Variants in CDH9 observed in about 807,000 individuals in gnomAD.
CDH9 encodes cadherin-9.
A neutral mutation model predicts 70.9 loss-of-function variants in CDH9; 28 were observed. The ratio of observed to expected loss-of-function variants is 0.40; its 90% CI spans 0.29 to 0.54. The LOEUF (loss-of-function observed/expected upper bound fraction) is 0.54, where lower values mean the gene tolerates loss of function less well. CDH9 is among the 20% of genes least tolerant of loss of function. CDH9 has a pLI of 0.59. For synonymous variants in CDH9, 409 were observed against 343.1 expected (o/e 1.19, Z -2.12); for missense variants, 874 against 984.4 (o/e 0.89, Z 1.50).
chr5:26,935,045 T>C (rs10072457), intron 2 of CDH9, among the ~76,000 whole-genome samples: 14,713 of 151,896 alleles, frequency 0.097, 898 homozygotes, highest in East Asian at 0.19. Context: ...ACATGACCAA[T>C]TGGGGGTTAT....
intron 2 of CDH9, among the ~76,000 whole-genome samples, chr5:26,953,010 T>C (rs1377954506): frequency 6.6e-6 from 1 of 152,052 alleles, no homozygotes; most frequent in Non-Finnish European, 1.5e-5. Context: ...GGGAGGATGT[T>C]ATATAATTGA....
chr5:26,881,471 T>A lies in CDH9; in HGVS notation c.2035A>T (p.Asn679Tyr), dbSNP rs545889348. ...TQAFDIGTLRNPEAREDSKLR... is the reference protein window; with the variant it reads ...TQAFDIGTLRYPEAREDSKLR... ...TTACTGTCTTCTCTTGCCTCTGGAT[T>A]CCTTAATGTGCCAATGTCAAAAGCT... Residue 679 changes from asparagine (N) to tyrosine (Y), a missense_variant, in exon 12 of 12, where the codon AAT (asparagine) becomes TAT (tyrosine). Asn to Tyr is a moderately radical substitution (Grantham distance 143). Coordinates refer to ENST00000231021, the MANE Select transcript of CDH9 (RefSeq NM_016279.4). 6 of 1,613,846 alleles carry A rather than the reference T, an allele frequency of 3.7e-6. No individual in the cohort carries two copies. In the South Asian group the frequency reaches 5.5e-5, roughly 15 times the overall value.
chr5:26,885,616 A>T lies in CDH9; in HGVS notation c.1880T>A (p.Leu627His). ...TCATTCAGAGGGGCAGAGCTTACTA[A>T]GCAGTATGAGGACACAGAGTAGAAT... Reference protein sequence around the residue: ...VAILLCVLILLILVVLFAALK... With the variant: ...VAILLCVLILHILVVLFAALK... Residue 627 changes from leucine (L) to histidine (H), a missense_variant and splice_region_variant, in exon 11 of 12, where the codon CTT becomes CAT. Leu to His is a moderately conservative substitution (Grantham distance 99). Transcript: ENST00000231021. The T allele has an allele frequency of 1.2e-6, 2 of 1,612,760 alleles. No individual in the cohort carries two copies. The highest frequency in any genetic ancestry group is 2.2e-5 in the South Asian group (2 of 91,026).
At chr5:26,978,010 C>A (rs1325877833) in intron 2 of CDH9, among the ~76,000 whole-genome samples, 5 of 152,008 alleles carry the variant, frequency 3.3e-5, no homozygotes, top group Admixed American at 3.3e-4. Flanking sequence ...AAAACCAAAC[C>A]TACACAGGAT....
chr5:26,888,552 C>G (rs1232052705), intron 9 of CDH9, among the ~76,000 whole-genome samples: 1 of 152,102 alleles, frequency 6.6e-6, no homozygotes, highest in Non-Finnish European at 1.5e-5. Flanking sequence ...AAGAAAAGCA[C>G]ATTTTTATCC....
At chr5:26,886,156 C>A (rs1740563246) in intron 9 of CDH9, 73 bp from the exon 10 acceptor site, 1 of 1,475,578 alleles carries the variant, frequency 6.8e-7, no homozygotes, top group Non-Finnish European at 9.1e-7. Context: ...TATCTTAAAT[C>A]CATGTATTTG....
At position 26,885,777 on chromosome 5, in the gene CDH9, G is replaced by A. The variant is rs747968491; in HGVS notation, c.1719C>T (p.Asn573=). The A allele has an allele frequency of 1.3e-5, 21 of 1,613,550 alleles. No homozygotes were observed. The highest frequency in any genetic ancestry group is 1.6e-4 in the Middle Eastern group (1 of 6,084). ...TYLLPILIFD[N]DYPIQSSTGT... ...CAGTGCTGCTTTGAATTGGATAATC[G>A]TTGTCAAAGATTAAAATCGGCAATA... is the stretch of plus-strand genomic sequence containing the variant. Residue 573 remains asparagine (N), a synonymous_variant, in exon 11 of 12, where the codon AAC becomes AAT. Coordinates refer to ENST00000231021, the MANE Select transcript of CDH9 (RefSeq NM_016279.4).
chr5:26,882,550 C>A (rs1318795881), intron 11 of CDH9, among the ~76,000 whole-genome samples: 2 of 151,874 alleles, frequency 1.3e-5, no homozygotes, highest in East Asian at 1.9e-4. Flanking sequence ...TAATAAGATT[C>A]ATTTTAAAAG....
In CDH9 at chr5:26,891,792, T is replaced by C. The variant is rs1384969701; in HGVS notation, c.1254-1228A>G. On this transcript the variant is annotated intron_variant, in intron 7 of 11. Coordinates refer to ENST00000231021, the MANE Select transcript of CDH9 (RefSeq NM_016279.4). ...TGAAGACTAAGAAGTACTTGACCCA[T>C]TGTTGCTGGCTTTAAAGCTGAAGGA... Among the ~76,000 whole-genome samples the C allele has an allele frequency of 7.2e-5, 11 of 152,132 alleles. 1 individual carries two copies. Among genetic ancestry groups the C allele is most frequent in the Admixed American group, 7.2e-4 (11 of 15,268 alleles).
chr5:26,920,087 A>G (rs1741217948), intron 2 of CDH9, among the ~76,000 whole-genome samples: 3 of 152,148 alleles, frequency 2.0e-5, no homozygotes, highest in South Asian at 2.1e-4. Flanking sequence ...TGGGGTACCA[A>G]TTATGGGCCT....
At chr5:26,949,167 T>A (rs1310778939) in intron 2 of CDH9, among the ~76,000 whole-genome samples, 1 of 152,188 alleles carries the variant, frequency 6.6e-6, no homozygotes, top group Non-Finnish European at 1.5e-5. Flanking sequence ...CATTTGACCC[T>A]TTTGGCTTAA....
intron 2 of CDH9, among the ~76,000 whole-genome samples, chr5:26,966,365 A>G (rs1742129665): frequency 6.6e-6 from 1 of 152,168 alleles, no homozygotes; most frequent in Non-Finnish European, 1.5e-5. Flanking sequence ...CCTCTTGCAA[A>G]TCTCGGCCTC....
chr5:26,912,902 A>G (rs1283441188), intron 3 of CDH9, among the ~76,000 whole-genome samples: 1 of 152,056 alleles, frequency 6.6e-6, no homozygotes, highest in Non-Finnish European at 1.5e-5. Flanking sequence ...TTCTCCTGAG[A>G]GTGAATAAGT....
chr5:27,004,197 G>A (rs1028110592), intron 1 of CDH9, among the ~76,000 whole-genome samples: 4 of 151,160 alleles, frequency 2.6e-5, no homozygotes, highest in African/African-American at 9.7e-5. Flanking sequence ...GAGACATGAT[G>A]ATATCAATGG....
intron 2 of CDH9, among the ~76,000 whole-genome samples, chr5:26,981,537 G>A (rs1361834727): frequency 1.3e-5 from 2 of 152,030 alleles, no homozygotes; most frequent in Non-Finnish European, 2.9e-5. Flanking sequence ...TATATGGAGA[G>A]CCAACTGTAC....
intron 2 of CDH9, among the ~76,000 whole-genome samples, chr5:26,961,751 T>C (rs1742039472): frequency 6.6e-6 from 1 of 152,162 alleles, no homozygotes; most frequent in Non-Finnish European, 1.5e-5. Flanking sequence ...TCATATTTAT[T>C]ATATGAAAGA....
chr5:26,993,357 G>A (rs1164632317), intron 1 of CDH9, among the ~76,000 whole-genome samples: 1 of 152,146 alleles, frequency 6.6e-6, no homozygotes, highest in Non-Finnish European at 1.5e-5. Flanking sequence ...TAAGAAAATT[G>A]TTGAAGGAGC....
chr5:26,993,303 G>A (rs1427721090), intron 1 of CDH9, among the ~76,000 whole-genome samples: 1 of 152,128 alleles, frequency 6.6e-6, no homozygotes, highest in Non-Finnish European at 1.5e-5. Context: ...ACAGAATGTA[G>A]AATTTGGGAG....
Position 26,902,810 on chromosome 5 carries a change from G to A in CDH9, c.1000-81C>T, listed in dbSNP as rs1740880606. 2.0e-5 allele frequency: 15 copies of A among 745,482 alleles called. No individual in the cohort carries two copies. The South Asian group carries it at 2.5e-4, about 12-fold the overall frequency. 46.2% of individuals were successfully genotyped at this position (745,482 alleles called of 1,614,324 possible). On this transcript the variant is annotated intron_variant, in intron 6 of 11. Transcript: ENST00000231021. ...AGACGATTTCAAATTTTAATAGCCA[G>A]CGATCATGATTATACCAACAATTCT...
Sources: gnomAD v4.1 joint callset for allele counts (sites outside exome capture counted in the v4.1 genomes callset) on GRCh38, gnomAD v4.1.1 for gene constraint, MANE v1.5 for transcripts, NCBI Gene and HGNC (gene_info 2026-07-23, HGNC 2026-07-21) for gene names.